The following OAS2 variants were observed in gnomAD, a reference collection of about 807,000 sequenced individuals.
OAS2 encodes the protein 2'-5'-oligoadenylate synthase 2.
A neutral mutation model predicts 71.3 loss-of-function variants in OAS2; 67 were observed. The observed-to-expected ratio is 0.94, with a 90% CI of 0.77 to 1.15. The LOEUF is 1.15. Ranked by LOEUF, OAS2 falls within the 50% of genes most tolerant of loss-of-function variation. The pLI is 0.00. For missense variants in OAS2, 789 were observed against 822.5 expected, an observed-to-expected ratio of 0.96 and a Z score of 0.50; for synonymous variants, 327 against 321.8, an observed-to-expected ratio of 1.02 and a Z score of -0.17.
chr12:112,986,486 T>G (rs2044136545), intron 1 of OAS2, among the ~76,000 whole-genome samples: 1 of 152,118 alleles, frequency 6.6e-6, no homozygotes, highest in African/African-American at 2.4e-5. Flanking sequence ...CCCCAGGCCC[T>G]TGGGAGACAC....
At chr12:113,001,296 A>C (rs765241692) in intron 5 of OAS2, among the ~76,000 whole-genome samples, 1 of 151,964 alleles carries the variant, frequency 6.6e-6, no homozygotes, top group African/African-American at 2.4e-5. Flanking sequence ...CACTGCATTC[A>C]GCCTGGGTGA....
chr12:112,989,521 T>C (rs1041360618), intron 2 of OAS2, among the ~76,000 whole-genome samples: 1 of 152,190 alleles, frequency 6.6e-6, no homozygotes, highest in Non-Finnish European at 1.5e-5. Flanking sequence ...GATTTTCTGA[T>C]TGGCAATTGA....
chr12:112,993,394 T>C (rs902525633), intron 2 of OAS2, among the ~76,000 whole-genome samples: 12 of 152,216 alleles, frequency 7.9e-5, no homozygotes, highest in African/African-American at 2.7e-4. Flanking sequence ...TATGTTTCAC[T>C]GTACATAAAA....
Position 112,978,520 on chromosome 12 carries a change from G to A in OAS2, c.-89G>A. On this transcript the variant is annotated 5_prime_UTR_variant, in exon 1 of 10. Coordinates refer to ENST00000392583, the MANE Select transcript of OAS2 (RefSeq NM_002535.3). This position sits in a 1 kb window ranked among gnomAD's most constrained non-coding sequence, Gnocchi z 4.2. Reference sequence around the variant, plus strand: ...GGTGGAGAGAGGCCTCTAGACTTCAGTTTCAGTTTCCTGGCTCTGGGCAGC... The same window carrying A: ...GGTGGAGAGAGGCCTCTAGACTTCAATTTCAGTTTCCTGGCTCTGGGCAGC... 1 of 1,440,280 alleles carries A rather than the reference G, an allele frequency of 6.9e-7. No homozygotes were observed. The highest frequency in any genetic ancestry group is 9.7e-7 in the Non-Finnish European group (1 of 1,032,370). 89.2% of individuals were successfully genotyped at this position (1,440,280 alleles called of 1,614,324 possible). A position where few individuals can be genotyped will look rare whatever the true frequency, so the allele number is the denominator to read the frequency against.
At position 113,010,135 on chromosome 12, in the gene OAS2, C is replaced by T. The variant is rs1309732049; in HGVS notation, c.*880C>T. 21 of 1,228,478 alleles carry T rather than the reference C, an allele frequency of 1.7e-5. No homozygotes were observed. Among genetic ancestry groups the T allele is most frequent in the Non-Finnish European group, 2.0e-5 (20 of 981,706 alleles). The allele number at this position is 1,228,478 out of a possible 1,614,324, so 76.1% of individuals were successfully genotyped here. A position where few individuals can be genotyped will look rare whatever the true frequency, so the allele number is the denominator to read the frequency against. On this transcript the variant is annotated 3_prime_UTR_variant, in exon 10 of 10. Transcript: ENST00000392583. ...GTGTCTTCTGCCCTAGGTGAGAACC[C>T]TTGCACTAGAGGAACCCTACACCCC... is the stretch of plus-strand genomic sequence containing the variant.
chr12:112,998,353 C>T lies in OAS2; in HGVS notation c.951C>T (p.Thr317=). ...CWQWLKKEAQ[T]WLTSPNLDNE... ...AATGGCTGAAAAAAGAAGCTCAAAC[C>T]TGGTTGACTTCTCCCAACCTGGATA... Residue 317 remains threonine (T), a synonymous_variant, in exon 5 of 10, where the codon ACC becomes ACT. Transcript: ENST00000392583. 1 of 1,610,034 alleles carries T rather than the reference C, an allele frequency of 6.2e-7. No homozygotes were observed.
At chr12:112,986,578 G>A (rs1593195890) in intron 1 of OAS2, among the ~76,000 whole-genome samples, 1 of 152,170 alleles carries the variant, frequency 6.6e-6, no homozygotes, top group East Asian at 1.9e-4. Context: ...TGGTAAAGAG[G>A]ACGGGTTAAT....
intron 1 of OAS2, among the ~76,000 whole-genome samples, chr12:112,984,812 C>G (rs1259069483): frequency 1.3e-5 from 2 of 152,148 alleles, no homozygotes; most frequent in Admixed American, 1.3e-4. Flanking sequence ...ATGTAACACT[C>G]TCTTAAGCAT....
intron 1 of OAS2, 123 bp from the exon 2 acceptor site, chr12:112,986,915 G>A (rs2044142412): frequency 1.6e-6 from 2 of 1,280,792 alleles, no homozygotes; most frequent in Non-Finnish European, 2.2e-6. Flanking sequence ...GCAAATGGAT[G>A]CCTGCCACTC....
Position 112,995,478 on chromosome 12 carries a change from A to G in OAS2, c.627+4A>G, listed in dbSNP as rs780613071. The G allele has an allele frequency of 6.2e-7, 1 of 1,610,462 alleles. No homozygotes were observed. Among genetic ancestry groups the G allele is most frequent in the Admixed American group, 1.7e-5 (1 of 59,174 alleles). ...GATAAAGCACTGGCATCAACAGGTA[A>G]TTTTCCAACTGTCTATATATGGTTA... is the stretch of plus-strand genomic sequence containing the variant. On this transcript the variant is annotated splice_donor_region_variant and intron_variant, in intron 3 of 9. Transcript: ENST00000392583.
chr12:112,987,902 G>A (rs1251457687), intron 2 of OAS2: 1 of 985,488 alleles, frequency 1.0e-6, no homozygotes, highest in Non-Finnish European at 1.2e-6. Flanking sequence ...TGTGTCTCCT[G>A]TCTCAGCAAA....
rs1027884386 is a variant in OAS2, at chr12:112,987,048, A to G, written c.188A>G (p.Tyr63Cys). 6.2e-7 allele frequency: 1 copy of G among 1,609,590 alleles called. No homozygotes were observed. ...LVQGVAIGGSYGRKTVLRGNS... is the reference protein window; with the variant it reads ...LVQGVAIGGSCGRKTVLRGNS... ...CTTTGTCACTGGCAGGGTGGCTCCT[A>G]TGGACGGAAAACAGTCTTAAGAGGC... Residue 63 changes from tyrosine to cysteine, a missense_variant, in exon 2 of 10, where the codon TAT becomes TGT. By Grantham distance (194) the Tyr-to-Cys change is radical. Transcript: ENST00000392583.
intron 5 of OAS2, among the ~76,000 whole-genome samples, chr12:113,001,687 A>G (rs2044292149): frequency 6.6e-6 from 1 of 150,958 alleles, no homozygotes; most frequent in Non-Finnish European, 1.5e-5. Context: ...TCTAACTCCA[A>G]CACCACCACA....
intron 5 of OAS2, among the ~76,000 whole-genome samples, chr12:113,000,330 G>A (rs2044271758): frequency 6.6e-6 from 1 of 152,104 alleles, no homozygotes; most frequent in Non-Finnish European, 1.5e-5. Flanking sequence ...ACCATCTTTT[G>A]ATACTCACTG....
intron 1 of OAS2, among the ~76,000 whole-genome samples, chr12:112,984,942 A>AG (rs944196238): frequency 9.4e-5 from 13 of 137,984 alleles, no homozygotes; most frequent in African/African-American, 1.9e-4. Context: ...CTTGTCTGAA[A>AG]GGGTTTTTTT....
At chr12:113,007,062 T>C (rs1169885105) in intron 8 of OAS2, among the ~76,000 whole-genome samples, 2 of 152,162 alleles carry the variant, frequency 1.3e-5, no homozygotes, top group Non-Finnish European at 2.9e-5. Context: ...CAAGTGATCC[T>C]CAGGCAGGTA....
At chr12:112,986,333 G>T (rs1452800913) in intron 1 of OAS2, among the ~76,000 whole-genome samples, 1 of 152,204 alleles carries the variant, frequency 6.6e-6, no homozygotes, top group Non-Finnish European at 1.5e-5. Flanking sequence ...ACATGTTCGG[G>T]TGCCAGTGGT....
rs1253534209 is a variant in OAS2 at position 113,010,510 on chromosome 12, GA to G, written c.*1256del. On this transcript the variant is annotated 3_prime_UTR_variant, in exon 10 of 10. Transcript: ENST00000392583. ...AGATCATCTGGCAATCGCTTTTAAA[GA>G]CTCGGCTCACCGTGAGAAAGAGTCA... The G allele has an allele frequency of 6.2e-7, 1 of 1,609,094 alleles. No individual in the cohort carries two copies. The highest frequency in any genetic ancestry group is 1.7e-5 in the Admixed American group (1 of 59,466).
At chr12:112,983,003 G>A (rs976763799) in intron 1 of OAS2, among the ~76,000 whole-genome samples, 30 of 151,988 alleles carry the variant, frequency 2.0e-4, no homozygotes, top group African/African-American at 7.2e-4. Flanking sequence ...TTTTATTTCT[G>A]TGGTATCAAT....
Sources: allele counts gnomAD v4.1 joint callset (sites outside exome capture counted in the v4.1 genomes callset), GRCh38; gene constraint gnomAD v4.1.1; non-coding constraint Gnocchi (gnomAD v3.1); transcripts MANE v1.5; gene names NCBI Gene and HGNC (gene_info 2026-07-23, HGNC 2026-07-21).